Variants in SLC26A7 observed in about 807,000 individuals in gnomAD.
SLC26A7 encodes the protein anion exchange transporter.
SLC26A7 carries 59 observed loss-of-function variants against 82.5 expected under a neutral mutation model. The ratio of observed to expected loss-of-function variants is 0.72; its 90% CI spans 0.58 to 0.89. The LOEUF (loss-of-function observed/expected upper bound fraction) is 0.89. Ranked by LOEUF, SLC26A7 falls within the 40% of genes least tolerant of loss-of-function variation. The pLI is 0.00. For missense variants in SLC26A7, 820 were observed against 793.0 expected (o/e 1.03, Z -0.41); for synonymous variants, 271 against 274.3 (o/e 0.99, Z 0.12).
chr8:91,349,023 C>T (rs968323041), intron 9 of SLC26A7, among the ~76,000 whole-genome samples: 2 of 152,066 alleles, frequency 1.3e-5, no homozygotes, highest in African/African-American at 4.8e-5. Flanking sequence ...AGATTTTTTA[C>T]GAATCCAAAT....
intron 2 of SLC26A7, among the ~76,000 whole-genome samples, chr8:91,255,531 AG>A: frequency 6.6e-6 from 1 of 152,228 alleles, no homozygotes; most frequent in Middle Eastern, 3.4e-3. Context: ...TCTTCCTGCT[AG>A]TAACTTTTCT....
Position 91,344,039 on chromosome 8 carries a change from T to C in SLC26A7, c.1140+573T>C, listed in dbSNP as rs139024482. ...ATGATGATGATGACGATGTTGATGATGACAATCATAATGATGAAGATGTTG... is the reference window on the plus strand; with the variant it reads ...ATGATGATGATGACGATGTTGATGACGACAATCATAATGATGAAGATGTTG... On this transcript the variant is annotated intron_variant, in intron 9 of 18. Coordinates refer to ENST00000276609, the MANE Select transcript of SLC26A7 (RefSeq NM_052832.4). The C allele has an allele frequency of 5.1e-6, 5 of 983,328 alleles. No individual in the cohort carries two copies. In the East Asian group the frequency reaches 4.5e-4, roughly 89 times the overall value. 60.9% of individuals were successfully genotyped at this position (983,328 alleles called of 1,614,324 possible).
intron 2 of SLC26A7, among the ~76,000 whole-genome samples, chr8:91,282,806 G>A (rs1344558992): frequency 1.3e-5 from 2 of 152,168 alleles, no homozygotes; most frequent in Non-Finnish European, 2.9e-5. Context: ...CATACCAAAT[G>A]GCTTTACATT....
At chr8:91,230,681 A>T (rs930906724) in intron 2 of SLC26A7, among the ~76,000 whole-genome samples, 3 of 152,230 alleles carry the variant, frequency 2.0e-5, no homozygotes, top group African/African-American at 7.2e-5. Context: ...TGAAAAGCAC[A>T]TAGCCTAGCA....
At chr8:91,371,229 T>C (rs1814351042) in intron 15 of SLC26A7, among the ~76,000 whole-genome samples, 1 of 151,992 alleles carries the variant, frequency 6.6e-6, no homozygotes, top group South Asian at 2.1e-4. Flanking sequence ...TTAACTTCCC[T>C]TTTTCTTATT....
Position 91,333,394 on chromosome 8 carries a change from A to C in SLC26A7, c.643-901A>C, listed in dbSNP as rs1314602943. Among the ~76,000 whole-genome samples the C allele has an allele frequency of 2.6e-5, 4 of 152,314 alleles. No homozygotes were observed. The East Asian group carries it at 5.8e-4, about 22-fold the overall frequency. On this transcript the variant is annotated intron_variant, in intron 5 of 18. Coordinates refer to ENST00000276609, the MANE Select transcript of SLC26A7 (RefSeq NM_052832.4). ...TTCAAGCAGGGCTGCACACTTTTAA[A>C]GACAAATAGTTGTATTGATTTCTTG...
intron 2 of SLC26A7, among the ~76,000 whole-genome samples, chr8:91,229,184 A>G (rs1810279983): frequency 2.0e-5 from 3 of 152,102 alleles, no homozygotes; most frequent in African/African-American, 7.2e-5. Context: ...GTTCTGGCTC[A>G]TTTCCCCACA....
chr8:91,309,485 G>A (rs1812416469), intron 4 of SLC26A7, among the ~76,000 whole-genome samples: 2 of 151,196 alleles, frequency 1.3e-5, no homozygotes, highest in African/African-American at 4.9e-5. Context: ...AGCAATTCCA[G>A]TATATATAAT....
intron 16 of SLC26A7, among the ~76,000 whole-genome samples, chr8:91,392,118 TTTTTAAA>T (rs1469668171): frequency 1.3e-5 from 2 of 152,222 alleles, no homozygotes; most frequent in Non-Finnish European, 2.9e-5. Flanking sequence ...ATGCAATTTA[TTTTTAAA>T]TTGGCATAAA....
intron 1 of SLC26A7, among the ~76,000 whole-genome samples, chr8:91,215,511 T>C (rs1275198872): frequency 6.6e-6 from 1 of 152,156 alleles, no homozygotes; most frequent in Non-Finnish European, 1.5e-5. Flanking sequence ...GAAAACTACT[T>C]TTTAAAAAAC....
chr8:91,210,259 T>C (rs1163812212), intron 1 of SLC26A7, among the ~76,000 whole-genome samples: 1 of 152,146 alleles, frequency 6.6e-6, no homozygotes, highest in African/African-American at 2.4e-5. Context: ...TATCAAATAA[T>C]AGAATTAGGA....
intron 5 of SLC26A7, among the ~76,000 whole-genome samples, chr8:91,323,647 AT>A (rs1448377234): frequency 6.6e-6 from 1 of 152,142 alleles, no homozygotes; most frequent in Non-Finnish European, 1.5e-5. Flanking sequence ...TAGCAAATGG[AT>A]TTATTCCAAC....
intron 9 of SLC26A7, among the ~76,000 whole-genome samples, chr8:91,348,719 TC>T (rs35439386): frequency 0.41 from 62,291 of 151,248 alleles, 13,548 homozygotes; most frequent in African/African-American, 0.51. Flanking sequence ...GTTTTTTTTT[TC>T]CTGAGATTAA....
At chr8:91,226,304 G>T (rs1272585908) in intron 2 of SLC26A7, among the ~76,000 whole-genome samples, 1 of 151,902 alleles carries the variant, frequency 6.6e-6, no homozygotes, top group Non-Finnish European at 1.5e-5. Context: ...AGACAACAAG[G>T]AACATGCAAA....
intron 2 of SLC26A7, among the ~76,000 whole-genome samples, chr8:91,224,119 G>A (rs1165316306): frequency 6.6e-6 from 1 of 151,924 alleles, no homozygotes; most frequent in Non-Finnish European, 1.5e-5. Context: ...CATTGGGTTA[G>A]AACATGCTTG....
At chr8:91,224,220 T>C (rs1321229762) in intron 2 of SLC26A7, among the ~76,000 whole-genome samples, 1 of 152,140 alleles carries the variant, frequency 6.6e-6, no homozygotes. Flanking sequence ...TCTGTGCCCT[T>C]GATGGAGAGA....
intron 2 of SLC26A7, among the ~76,000 whole-genome samples, chr8:91,287,827 A>G (rs1435732037): frequency 2.0e-5 from 3 of 152,314 alleles, no homozygotes. Context: ...GCCTGCCAAT[A>G]CTAATGAAGC....
intron 2 of SLC26A7, among the ~76,000 whole-genome samples, chr8:91,276,530 T>G (rs576235078): frequency 1.3e-5 from 2 of 152,302 alleles, no homozygotes; most frequent in South Asian, 4.1e-4. Flanking sequence ...AAAATTCTTC[T>G]CCAAATCAAG....
rs151305752 is a variant in SLC26A7, at chr8:91,373,126, G to A, written c.1675+3293G>A. Among the ~76,000 whole-genome samples, 4 of 152,018 alleles carry A rather than the reference G, an allele frequency of 2.6e-5. No individual in the cohort carries two copies. The East Asian group carries it at 7.7e-4, about 29-fold the overall frequency. ...CATTAGTTCCAGAAACCTTTTGGTA[G>A]AGTCTTCAGAGTTTTCTAGGTATAG... On this transcript the variant is annotated intron_variant, in intron 15 of 18. Coordinates refer to ENST00000276609, the MANE Select transcript of SLC26A7 (RefSeq NM_052832.4).
Sources: gnomAD v4.1 joint callset for allele counts (sites outside exome capture counted in the v4.1 genomes callset) on GRCh38, gnomAD v4.1.1 for gene constraint, MANE v1.5 for transcripts, NCBI Gene and HGNC (gene_info 2026-07-23, HGNC 2026-07-21) for gene names.